Variants in TRAP1 observed in about 807,000 individuals in gnomAD.
TRAP1 encodes the protein heat shock protein 75 kDa, mitochondrial.
A neutral mutation model predicts 89.1 loss-of-function variants in TRAP1; 102 were observed. That is an observed-to-expected ratio of 1.15 (90% CI 0.98 to 1.35). The LOEUF is 1.35. TRAP1 is among the 40% of genes most tolerant of loss of function. The pLI is 0.00. For synonymous variants in TRAP1, 508 were observed against 388.0 expected (o/e 1.31, Z -3.64); for missense variants, 1,256 against 945.3 (o/e 1.33, Z -4.31).
intron 1 of TRAP1, among the ~76,000 whole-genome samples, chr16:3,702,553 G>T (rs1361126244): frequency 1.3e-5 from 2 of 150,864 alleles, no homozygotes; most frequent in African/African-American, 4.9e-5. Flanking sequence ...GACCAGCATG[G>T]GCAAACTGGT....
intron 15 of TRAP1, 35 bp from the exon 16 acceptor site, chr16:3,662,167 G>C: frequency 1.3e-6 from 2 of 1,590,386 alleles, no homozygotes; most frequent in Non-Finnish European, 8.6e-7. Flanking sequence ...GGTGATAGAG[G>C]TTCCCAATGT....
At chr16:3,658,977 G>GT in intron 16 of TRAP1, 112 bp from the exon 17 acceptor site, 1 of 1,065,330 alleles carries the variant, frequency 9.4e-7, no homozygotes, top group Non-Finnish European at 1.4e-6. Context: ...ACTGTCTGTA[G>GT]TTTTTTAAAT....
At chr16:3,663,994 C>T (rs2050759392) in intron 13 of TRAP1, 1 of 366,144 alleles carries the variant, frequency 2.7e-6, no homozygotes, top group South Asian at 4.4e-5. Context: ...ACCCAGGAGG[C>T]GGAAGTTGCA....
At chr16:3,661,922 A>T in intron 16 of TRAP1, 65 bp downstream of exon 16, 1 of 1,510,030 alleles carries the variant, frequency 6.6e-7, no homozygotes, top group Non-Finnish European at 8.8e-7. Flanking sequence ...TCCACAACAA[A>T]AGAACACCAC....
chr16:3,682,790 G>A (rs1204494418), intron 4 of TRAP1, among the ~76,000 whole-genome samples: 1 of 151,912 alleles, frequency 6.6e-6, no homozygotes, highest in Non-Finnish European at 1.5e-5. Flanking sequence ...AGCCCAGGAG[G>A]TCAAGGCTGC....
intron 2 of TRAP1, among the ~76,000 whole-genome samples, chr16:3,690,599 C>A (rs550705204): frequency 6.6e-6 from 1 of 152,278 alleles, no homozygotes; most frequent in East Asian, 1.9e-4. Flanking sequence ...AGGTGCCGGA[C>A]GGCAAACTCA....
At chr16:3,682,387 CA>C (rs569995327) in intron 4 of TRAP1, among the ~76,000 whole-genome samples, 215 of 78,338 alleles carry the variant, frequency 2.7e-3, no homozygotes, top group Admixed American at 3.2e-3. Context: ...CCTGCCTCTA[CA>C]AAAAAAAAAA....
In TRAP1 at chr16:3,675,949, T is replaced by G. The variant is rs950015740; in HGVS notation, c.814+87A>C. The G allele has an allele frequency of 4.2e-6, 5 of 1,200,850 alleles. No homozygotes were observed. In the Admixed American group the frequency reaches 8.2e-5, roughly 20 times the overall value. 74.4% of individuals were successfully genotyped at this position (1,200,850 alleles called of 1,614,324 possible). A position where few individuals can be genotyped will look rare whatever the true frequency, so the allele number is the denominator to read the frequency against. On this transcript the variant is annotated intron_variant, in intron 7 of 17. Coordinates refer to ENST00000246957, the MANE Select transcript of TRAP1 (RefSeq NM_016292.3). ...TCTGCCTGTGCACCCTACGTGCAGGTAGAACCAGGGAAAATGCCTGCTGAC... is the reference window on the plus strand; with the variant it reads ...TCTGCCTGTGCACCCTACGTGCAGGGAGAACCAGGGAAAATGCCTGCTGAC...
chr16:3,693,772 C>T (rs372787454), intron 1 of TRAP1, among the ~76,000 whole-genome samples: 10 of 152,176 alleles, frequency 6.6e-5, no homozygotes, highest in African/African-American at 1.7e-4. Context: ...GCAGGAGAAT[C>T]GCTTGAGCCC....
chr16:3,672,063 CACAGTGTCTG>C (rs1242246421), intron 10 of TRAP1, among the ~76,000 whole-genome samples: 6 of 152,210 alleles, frequency 3.9e-5, no homozygotes, highest in African/African-American at 1.4e-4. Flanking sequence ...TCTGGCTGGG[CACAGTGTCTG>C]ACGCCTGTAA....
intron 16 of TRAP1, chr16:3,661,643 CG>C (rs1567219687): frequency 8.1e-6 from 2 of 247,670 alleles, no homozygotes. Context: ...AAGTGAGCAA[CG>C]TGAGACTTCA....
chr16:3,694,249 C>G lies in TRAP1; in HGVS notation c.89-3264G>C, dbSNP rs561625044. Among the ~76,000 whole-genome samples the G allele has an allele frequency of 4.1e-4, 63 of 152,234 alleles. 1 individual carries two copies. Among genetic ancestry groups the G allele is most frequent in the African/African-American group, 1.4e-3 (59 of 41,542 alleles). ...CAGGAATACTGGAGTTAGGCCCCAC[C>G]CCCATGCAGTGTGACCTCATCACAA... On this transcript the variant is annotated intron_variant, in intron 1 of 17. Coordinates refer to ENST00000246957, the MANE Select transcript of TRAP1 (RefSeq NM_016292.3).
At chr16:3,703,963 C>T (rs1340899931) in intron 1 of TRAP1, among the ~76,000 whole-genome samples, 1 of 149,236 alleles carries the variant, frequency 6.7e-6, no homozygotes, top group Non-Finnish European at 1.5e-5. Context: ...TGCAGTGAGC[C>T]GAGATCGCGC....
At chr16:3,706,621 A>G (rs1010040843) in intron 1 of TRAP1, among the ~76,000 whole-genome samples, 5 of 151,652 alleles carry the variant, frequency 3.3e-5, no homozygotes, top group Admixed American at 2.6e-4. Flanking sequence ...CACCACACCC[A>G]GCAATTTTTA....
chr16:3,672,542 C>G (rs968676075), intron 10 of TRAP1, among the ~76,000 whole-genome samples, 158 bp downstream of exon 10: 4 of 152,156 alleles, frequency 2.6e-5, no homozygotes, highest in Admixed American at 2.6e-4. Context: ...GGGCAGCTCC[C>G]GGGGTCTGTA....
intron 1 of TRAP1, among the ~76,000 whole-genome samples, chr16:3,702,531 C>A (rs1437684561): frequency 6.6e-6 from 1 of 151,254 alleles, no homozygotes; most frequent in Non-Finnish European, 1.5e-5. Context: ...TCGCTTGAGC[C>A]CAGGAGTTTG....
intron 5 of TRAP1, among the ~76,000 whole-genome samples, chr16:3,678,741 G>A (rs980477529): frequency 8.5e-5 from 13 of 152,186 alleles, no homozygotes; most frequent in African/African-American, 1.9e-4. Flanking sequence ...GGTTACAGGC[G>A]TGAGCCACCG....
intron 2 of TRAP1, among the ~76,000 whole-genome samples, chr16:3,689,343 C>G (rs1332297942): frequency 6.7e-6 from 1 of 149,596 alleles, no homozygotes; most frequent in African/African-American, 2.5e-5. Context: ...CTCCCGGGTT[C>G]ACGCCATTCT....
At chr16:3,676,399 A>G (rs1001747802) in intron 6 of TRAP1, 15 of 266,558 alleles carry the variant, frequency 5.6e-5, no homozygotes, top group African/African-American at 3.2e-4. Flanking sequence ...TCCTCCACCG[A>G]CCCTGGGCTT....
Sources: allele counts gnomAD v4.1 joint callset (sites outside exome capture counted in the v4.1 genomes callset), GRCh38; gene constraint gnomAD v4.1.1; transcripts MANE v1.5; gene names NCBI Gene and HGNC (gene_info 2026-07-23, HGNC 2026-07-21).